Variants in ALDH1L1 observed in about 807,000 individuals in gnomAD.
ALDH1L1 encodes the protein cytosolic 10-formyltetrahydrofolate dehydrogenase.
In ALDH1L1, 68 loss-of-function variants were observed where a neutral mutation model predicts 101.1. The observed-to-expected ratio is 0.67, with a 90% CI of 0.55 to 0.82. The LOEUF is 0.82. Ranked by LOEUF, ALDH1L1 falls within the 40% of genes least tolerant of loss-of-function variation. The pLI, the probability that ALDH1L1 is intolerant of heterozygous loss-of-function variation, is 0.00. For synonymous variants in ALDH1L1, 486 were observed against 470.8 expected, an observed-to-expected ratio of 1.03 and a Z score of -0.42; for missense variants, 1,087 against 1,172.7, an observed-to-expected ratio of 0.93 and a Z score of 1.07.
intron 1 of ALDH1L1, chr3:126,179,697 G>A (rs993195063): frequency 6.6e-6 from 1 of 152,228 alleles, no homozygotes; most frequent in African/African-American, 2.4e-5. Context: ...TGGAGGCGTG[G>A]GGAGGAAACA....
chr3:126,108,468 C>T (rs1945963032), intron 20 of ALDH1L1, among the ~76,000 whole-genome samples: 1 of 152,264 alleles, frequency 6.6e-6, no homozygotes, highest in South Asian at 2.1e-4. Flanking sequence ...CACTGTCTTC[C>T]ACCAATCCTG....
At chr3:126,167,456 A>G (rs1451811977) in intron 1 of ALDH1L1, among the ~76,000 whole-genome samples, 3 of 152,210 alleles carry the variant, frequency 2.0e-5, no homozygotes, top group Non-Finnish European at 2.9e-5. Context: ...TTAACAAGAT[A>G]ATAAGGGAAC....
At chr3:126,105,951 C>T in intron 21 of ALDH1L1, 26 bp from the exon 22 acceptor site, 1 of 1,606,964 alleles carries the variant, frequency 6.2e-7, no homozygotes, top group Non-Finnish European at 8.5e-7. Context: ...AGGAAGAACT[C>T]CCTGAGGGAG....
chr3:126,181,082 C>T (rs916364602), upstream of ALDH1L1: 13 of 1,340,858 alleles, frequency 9.7e-6, no homozygotes, highest in Admixed American at 2.0e-5. Flanking sequence ...CGCTTCTGCC[C>T]GCCCAGTGCC....
At chr3:126,146,338 G>GC (rs2080679426) in intron 9 of ALDH1L1, among the ~76,000 whole-genome samples, 4 of 152,072 alleles carry the variant, frequency 2.6e-5, no homozygotes, top group Admixed American at 2.6e-4. Flanking sequence ...GGACCAGCCA[G>GC]CCCCCAGCTG....
chr3:126,187,706 T>C (rs560277452), intron 1 of ALDH1L1, among the ~76,000 whole-genome samples: 21 of 152,272 alleles, frequency 1.4e-4, no homozygotes, highest in Non-Finnish European at 2.4e-4. Context: ...AAGGGCAGTC[T>C]TGGACTGCAG....
chr3:126,165,056 C>T lies in ALDH1L1; in HGVS notation c.-23-4054G>A, dbSNP rs114938003. Among the ~76,000 whole-genome samples the T allele has an allele frequency of 6.1e-3, 931 of 152,048 alleles. 14 individuals carry two copies. Among genetic ancestry groups the T allele is most frequent in the African/African-American group, 0.021 (880 of 41,460 alleles). ...GTTCCTCATTTGTTGGCTGCTTGTA[C>T]GTGTTTTTTTGGGAAGTGTCTGTTC... is the stretch of plus-strand genomic sequence containing the variant. On this transcript the variant is annotated intron_variant, in intron 1 of 22. Coordinates refer to ENST00000393434, the MANE Select transcript of ALDH1L1 (RefSeq NM_012190.4).
At chr3:126,132,141 C>T (rs2080323209) in intron 12 of ALDH1L1, among the ~76,000 whole-genome samples, 1 of 152,240 alleles carries the variant, frequency 6.6e-6, no homozygotes, top group Non-Finnish European at 1.5e-5. Context: ...GGATGTGCAG[C>T]TGTGGGCAGC....
chr3:126,153,252 T>A (rs752761074), intron 7 of ALDH1L1, 192 bp downstream of exon 7: 368 of 807,102 alleles, frequency 4.6e-4, no homozygotes, highest in Non-Finnish European at 6.7e-4. Flanking sequence ...GAGAAGTGGG[T>A]AAACTGCCTC....
At chr3:126,113,690 G>T (rs1207836252) in intron 18 of ALDH1L1, among the ~76,000 whole-genome samples, 7 of 152,232 alleles carry the variant, frequency 4.6e-5, no homozygotes, top group Non-Finnish European at 7.3e-5. Context: ...CCCAAGCTAG[G>T]GTGTTAGGCC....
intron 1 of ALDH1L1, among the ~76,000 whole-genome samples, chr3:126,187,390 A>G (rs2081526462): frequency 6.6e-6 from 1 of 152,090 alleles, no homozygotes; most frequent in African/African-American, 2.4e-5. Context: ...TTCTTTACCC[A>G]TGGTTCATGT....
chr3:126,114,057 G>T (rs1213311097), intron 18 of ALDH1L1, among the ~76,000 whole-genome samples: 3 of 152,226 alleles, frequency 2.0e-5, no homozygotes, highest in African/African-American at 7.2e-5. Flanking sequence ...TGTCAGCAGG[G>T]CTGGGCCCAA....
Position 126,109,197 on chromosome 3 carries a change from T to C in ALDH1L1, c.2347+747A>G, listed in dbSNP as rs147954289. Among the ~76,000 whole-genome samples, 10 of 152,310 alleles carry C rather than the reference T, an allele frequency of 6.6e-5. No homozygotes were observed. The East Asian group carries it at 1.9e-3, about 29-fold the overall frequency. On this transcript the variant is annotated intron_variant, in intron 20 of 22. Transcript: ENST00000393434. ...AGCACCAACTCTGTGCAAGGCCCGGTCTAGGCACAAAGGAGCTAGGGGTGA... is the reference window on the plus strand; with the variant it reads ...AGCACCAACTCTGTGCAAGGCCCGGCCTAGGCACAAAGGAGCTAGGGGTGA...
chr3:126,114,875 C>T (rs1327518493), intron 17 of ALDH1L1: 1 of 604,442 alleles, frequency 1.7e-6, no homozygotes, highest in East Asian at 3.5e-5. Flanking sequence ...CCCACTGCCC[C>T]CTGGACTGCC....
intron 16 of ALDH1L1, among the ~76,000 whole-genome samples, chr3:126,119,453 C>T (rs2080037637): frequency 6.6e-6 from 1 of 152,210 alleles, no homozygotes; most frequent in Non-Finnish European, 1.5e-5. Context: ...AAGAGTCATT[C>T]TTGACACCTC....
intron 13 of ALDH1L1, among the ~76,000 whole-genome samples, chr3:126,131,153 G>A (rs907039432): frequency 1.3e-5 from 2 of 152,246 alleles, no homozygotes; most frequent in Admixed American, 1.3e-4. Flanking sequence ...ATAAGGCCCA[G>A]TCCAGCCAGC....
At chr3:126,147,795 C>T (rs1005278223) in intron 8 of ALDH1L1, among the ~76,000 whole-genome samples, 23 of 152,194 alleles carry the variant, frequency 1.5e-4, no homozygotes, top group Non-Finnish European at 3.2e-4. Flanking sequence ...CGGCTCTCCT[C>T]TTTCTTTCTT....
intron 1 of ALDH1L1, among the ~76,000 whole-genome samples, chr3:126,197,215 A>T (rs1166929944): frequency 6.6e-6 from 1 of 152,192 alleles, no homozygotes; most frequent in Non-Finnish European, 1.5e-5. Flanking sequence ...TATCTTTAGT[A>T]ACGTTTCGCT....
rs552324034 is a variant in ALDH1L1 at position 126,150,436 on chromosome 3, C to T, written c.954G>A (p.Glu318=). The T allele has an allele frequency of 5.2e-6, 8 of 1,551,496 alleles. No individual in the cohort carries two copies. Among genetic ancestry groups the T allele is most frequent in the African/African-American group, 1.4e-5 (1 of 73,064 alleles). ...GAASSVLELT[E]AELVTAEAVR... Reference sequence around the variant, plus strand: ...CAGCCTCCGCAGTAACCAGCTCTGCCTCTGTCAGCTCAAGGACACTGCTGG... The same window carrying T: ...CAGCCTCCGCAGTAACCAGCTCTGCTTCTGTCAGCTCAAGGACACTGCTGG... The change falls in exon 8 of 23, where the codon GAG becomes GAA. Residue 318 remains glutamate (E), a synonymous_variant. Coordinates refer to ENST00000393434, the MANE Select transcript of ALDH1L1 (RefSeq NM_012190.4).
Sources: allele counts gnomAD v4.1 joint callset (sites outside exome capture counted in the v4.1 genomes callset), GRCh38; gene constraint gnomAD v4.1.1; transcripts MANE v1.5; gene names NCBI Gene and HGNC (gene_info 2026-07-23, HGNC 2026-07-21).